The following POMP variants were observed in gnomAD, a reference collection of about 807,000 sequenced individuals.
POMP encodes the protein proteasome maturation protein, also known as 2510048O06Rik.
In POMP, 12 loss-of-function variants were observed where a neutral mutation model predicts 20.6. The ratio of observed to expected loss-of-function variants is 0.58; its 90% CI spans 0.37 to 0.94. The LOEUF is 0.94. Ranked by LOEUF, POMP falls within the 40% of genes least tolerant of loss-of-function variation. The probability of loss-of-function intolerance (pLI) is 0.01; values close to 1 mark genes in which losing one functional copy is unlikely to be tolerated. For missense variants in POMP, 136 were observed against 161.1 expected, an observed-to-expected ratio of 0.84 and a Z score of 0.84; for synonymous variants, 53 against 55.0, an observed-to-expected ratio of 0.96 and a Z score of 0.16.
rs1884669803 is a variant in POMP, at chr13:28,678,496, A to T, written c.*394A>T. ...CTTTCAGAATAAACATTTTTAATTG[A>T]TTTCAGTGGCAACTCTCAAATTGAT... On this transcript the variant is annotated 3_prime_UTR_variant, in exon 6 of 6. Transcript: ENST00000380842. The T allele has an allele frequency of 4.6e-6, 1 of 215,116 alleles. No individual in the cohort carries two copies. Among genetic ancestry groups the T allele is most frequent in the African/African-American group, 2.4e-5 (1 of 42,432 alleles). The allele number at this position is 215,116 out of a possible 1,614,324, so 13.3% of individuals were successfully genotyped here.
chr13:28,671,922 G>T (rs1884555251), intron 4 of POMP, among the ~76,000 whole-genome samples: 1 of 152,142 alleles, frequency 6.6e-6, no homozygotes, highest in African/African-American at 2.4e-5. Context: ...CCCAGTTTTA[G>T]TGGGAGGATC....
At chr13:28,664,424 A>G in intron 2 of POMP, 85 bp from the exon 3 acceptor site, 1 of 897,832 alleles carries the variant, frequency 1.1e-6, no homozygotes, top group Non-Finnish European at 1.8e-6. Flanking sequence ...CTCTCATGCC[A>G]TCCCTTTATA....
intron 2 of POMP, 82 bp downstream of exon 2, chr13:28,662,589 A>T (rs532203266): frequency 1.7e-6 from 2 of 1,179,356 alleles, no homozygotes; most frequent in Non-Finnish European, 2.5e-6. Context: ...GATAGGCTAT[A>T]CATGTGTATT....
intron 4 of POMP, among the ~76,000 whole-genome samples, chr13:28,669,577 G>A (rs553926021): frequency 2.6e-4 from 40 of 152,184 alleles, no homozygotes; most frequent in South Asian, 6.2e-4. Context: ...ACGGGCTCTT[G>A]CTATGTTGCC....
chr13:28,674,716 T>C (rs1884601030), intron 5 of POMP, among the ~76,000 whole-genome samples: 1 of 152,124 alleles, frequency 6.6e-6, no homozygotes, highest in African/African-American at 2.4e-5. Context: ...TAAGTAAGGA[T>C]GTAATGTGAT....
In POMP at chr13:28,677,968, A is replaced by G. The variant is rs918115224; in HGVS notation, c.359-67A>G. 6 of 1,483,512 alleles carry G rather than the reference A, an allele frequency of 4.0e-6. No homozygotes were observed. The African/African-American group carries it at 8.3e-5, about 21-fold the overall frequency. The allele number at this position is 1,483,512 out of a possible 1,614,324, so 91.9% of individuals were successfully genotyped here. The stretch of plus-strand genomic sequence containing the variant: ...TTTGACTCTTCTGGATTCTTATGTA[A>G]GCAGAATCATTGAATGTATCTCTTT... On this transcript the variant is annotated intron_variant, in intron 5 of 5. Transcript: ENST00000380842.
At chr13:28,669,755 A>G (rs576330718) in intron 4 of POMP, among the ~76,000 whole-genome samples, 2 of 152,212 alleles carry the variant, frequency 1.3e-5, no homozygotes, top group South Asian at 4.1e-4. Context: ...TTAGTGCCCC[A>G]TCTCTAGTCC....
In POMP at chr13:28,659,145, C is replaced by A. The variant is rs756025303; in HGVS notation, c.-40C>A. On this transcript the variant is annotated 5_prime_UTR_variant, in exon 1 of 6. Transcript: ENST00000380842. ...GGAAGTGAGCGGCGGGGTCGACTGA[C>A]GGTAACGGGGCAGAGAGGCTGTTCG... 4.4e-6 allele frequency: 7 copies of A among 1,574,734 alleles called. No homozygotes were observed. The highest frequency in any genetic ancestry group is 3.5e-5 in the South Asian group (3 of 86,358).
At chr13:28,676,798 T>C (rs1244087153) in intron 5 of POMP, among the ~76,000 whole-genome samples, 6 of 152,158 alleles carry the variant, frequency 3.9e-5, no homozygotes, top group African/African-American at 7.2e-5. Flanking sequence ...AAGGGGACTT[T>C]CATGTACTCT....
intron 1 of POMP, among the ~76,000 whole-genome samples, chr13:28,661,020 A>G (rs1453160056): frequency 6.6e-6 from 1 of 152,200 alleles, no homozygotes; most frequent in African/African-American, 2.4e-5. Context: ...CAAATATACA[A>G]ACGAATTAAG....
intron 3 of POMP, among the ~76,000 whole-genome samples, chr13:28,665,046 AG>A (rs534910221): frequency 2.3e-4 from 35 of 152,318 alleles, no homozygotes; most frequent in Admixed American, 3.9e-4. Context: ...GGGTAGGAGA[AG>A]GCTTCGTAAA....
intron 1 of POMP, among the ~76,000 whole-genome samples, chr13:28,662,053 C>T (rs1415400490): frequency 6.6e-6 from 1 of 152,166 alleles, no homozygotes; most frequent in Non-Finnish European, 1.5e-5. Context: ...TTTCATCAGC[C>T]TTTACTTCTG....
Position 28,659,314 on chromosome 13 carries a change from C to G in POMP, c.3+127C>G, listed in dbSNP as rs1593170644. On this transcript the variant is annotated intron_variant, in intron 1 of 5. Coordinates refer to ENST00000380842, the MANE Select transcript of POMP (RefSeq NM_015932.6). Reference sequence around the variant, plus strand: ...GCGGCAGCGTGGGGCTGAGGCCGGCCTCAGGCGCCATAATCTGTCGAGTCA... The same window carrying G: ...GCGGCAGCGTGGGGCTGAGGCCGGCGTCAGGCGCCATAATCTGTCGAGTCA... 2.1e-5 allele frequency: 30 copies of G among 1,451,098 alleles called. No homozygotes were observed. In the East Asian group the frequency reaches 6.9e-4, roughly 34 times the overall value. 89.9% of individuals were successfully genotyped at this position (1,451,098 alleles called of 1,614,324 possible).
chr13:28,663,241 C>T (rs1344998950), intron 2 of POMP, among the ~76,000 whole-genome samples: 1 of 152,172 alleles, frequency 6.6e-6, no homozygotes, highest in Non-Finnish European at 1.5e-5. Context: ...ACCTTTCCCC[C>T]ATAAACATTT....
intron 5 of POMP, among the ~76,000 whole-genome samples, chr13:28,676,749 C>A (rs1372634739): frequency 6.6e-6 from 1 of 152,132 alleles, no homozygotes; most frequent in African/African-American, 2.4e-5. Flanking sequence ...CGTATAAGGA[C>A]ACTAGTAGAA....
At chr13:28,677,528 T>C (rs1337913364) in intron 5 of POMP, among the ~76,000 whole-genome samples, 2 of 152,224 alleles carry the variant, frequency 1.3e-5, no homozygotes, top group African/African-American at 4.8e-5. Context: ...GTCTGACTCA[T>C]CTGTAAACAC....
chr13:28,662,256 A>G (rs571418817), intron 1 of POMP, among the ~76,000 whole-genome samples, 154 bp from the exon 2 acceptor site: 4 of 152,284 alleles, frequency 2.6e-5, no homozygotes, highest in African/African-American at 7.2e-5. Flanking sequence ...CTATCATATC[A>G]TAATGTTTAA....
At chr13:28,669,992 C>G (rs1467070757) in intron 4 of POMP, among the ~76,000 whole-genome samples, 4 of 152,126 alleles carry the variant, frequency 2.6e-5, no homozygotes, top group Non-Finnish European at 5.9e-5. Context: ...CACCTATAGT[C>G]CCAGCTACTC....
At chr13:28,675,729 A>T (rs1771191) in intron 5 of POMP, among the ~76,000 whole-genome samples, 48,923 of 151,836 alleles carry the variant, frequency 0.32, 10,992 homozygotes, top group African/African-American at 0.63. Context: ...TTATTTTGGC[A>T]TATGGTTCCT....
Sources: gnomAD v4.1 joint callset for allele counts (sites outside exome capture counted in the v4.1 genomes callset) on GRCh38, gnomAD v4.1.1 for gene constraint, MANE v1.5 for transcripts, NCBI Gene and HGNC (gene_info 2026-07-23, HGNC 2026-07-21) for gene names.